The following ENTREP2 variants were observed in gnomAD, a reference collection of about 807,000 sequenced individuals.
ENTREP2 encodes the protein endosomal transmembrane epsin interactor 2, also known as protein ENTREP2.
At chr15:29,239,014 G>C in the ENTREP2 span, among the ~76,000 whole-genome samples, 2 of 152,064 alleles carry the variant, frequency 1.3e-5, no homozygotes, top group African/African-American at 4.8e-5. Flanking sequence ...TGTCAATAAA[G>C]AGATATAAAA....
At chr15:29,231,886 TTTTC>T in the ENTREP2 span, among the ~76,000 whole-genome samples, 8 of 113,970 alleles carry the variant, frequency 7.0e-5, no homozygotes, top group African/African-American at 2.4e-4. Flanking sequence ...TTTTCTTTTC[TTTTC>T]TTTCTTTTTT....
At chr15:29,210,735 G>C in the ENTREP2 span, among the ~76,000 whole-genome samples, 2 of 152,100 alleles carry the variant, frequency 1.3e-5, no homozygotes, top group Non-Finnish European at 2.9e-5. Flanking sequence ...TTCTCTGTGT[G>C]GTCTTGCCTG....
the ENTREP2 span, among the ~76,000 whole-genome samples, chr15:29,584,427 A>G: frequency 8.0e-6 from 1 of 125,482 alleles, no homozygotes; most frequent in Non-Finnish European, 1.7e-5. Context: ...AATTTTTTAA[A>G]TGTATGTGTG....
At chr15:29,242,577 T>G in the ENTREP2 span, among the ~76,000 whole-genome samples, 9 of 152,202 alleles carry the variant, frequency 5.9e-5, no homozygotes, top group Non-Finnish European at 1.3e-4. Context: ...AATGCCTTTT[T>G]AATTTCCTAA....
the ENTREP2 span, among the ~76,000 whole-genome samples, chr15:29,245,129 AG>A: frequency 6.6e-6 from 1 of 152,096 alleles, no homozygotes; most frequent in South Asian, 2.1e-4. Context: ...GTTCAATGCA[AG>A]TAATAAAAAA....
chr15:29,156,287 C>T, the ENTREP2 span, among the ~76,000 whole-genome samples: 2 of 151,944 alleles, frequency 1.3e-5, no homozygotes, highest in South Asian at 2.1e-4. Context: ...CAGGTTCAAG[C>T]GATTCTCCTG....
At chr15:29,457,347 A>G in the ENTREP2 span, among the ~76,000 whole-genome samples, 1 of 152,186 alleles carries the variant, frequency 6.6e-6, no homozygotes, top group Non-Finnish European at 1.5e-5. Context: ...TTGAGCCTCA[A>G]CGTTTAGAAA....
chr15:29,244,506 C>A, the ENTREP2 span, among the ~76,000 whole-genome samples: 2 of 152,224 alleles, frequency 1.3e-5, no homozygotes, highest in African/African-American at 4.8e-5. Context: ...AAAGTTCTGT[C>A]CTCTCAGGTC....
At chr15:29,650,703 G>A in the ENTREP2 span, among the ~76,000 whole-genome samples, 4 of 152,086 alleles carry the variant, frequency 2.6e-5, no homozygotes, top group East Asian at 5.8e-4. Context: ...GGTGATGTGC[G>A]CCTATGATCC....
At chr15:29,532,445 G>T in the ENTREP2 span, among the ~76,000 whole-genome samples, 2 of 152,082 alleles carry the variant, frequency 1.3e-5, no homozygotes, top group Non-Finnish European at 2.9e-5. Context: ...CATAAAACAT[G>T]ATCATACCTT....
chr15:29,571,650 C>G, the ENTREP2 span, among the ~76,000 whole-genome samples: 1 of 152,144 alleles, frequency 6.6e-6, no homozygotes, highest in Non-Finnish European at 1.5e-5. Flanking sequence ...AAAAAAATTG[C>G]ACAAAACGAA....
the ENTREP2 span, among the ~76,000 whole-genome samples, chr15:29,137,670 A>G: frequency 6.6e-6 from 1 of 152,140 alleles, no homozygotes. Context: ...CCCCGTCTCT[A>G]CTAAAAATAC....
At chr15:29,413,574 T>C in the ENTREP2 span, among the ~76,000 whole-genome samples, 2 of 152,180 alleles carry the variant, frequency 1.3e-5, no homozygotes, top group Non-Finnish European at 2.9e-5. Flanking sequence ...CCCAAACAAC[T>C]ACACAAAAAT....
At chr15:29,623,317 C>T in the ENTREP2 span, among the ~76,000 whole-genome samples, 1 of 152,100 alleles carries the variant, frequency 6.6e-6, no homozygotes, top group Non-Finnish European at 1.5e-5. Flanking sequence ...GGCCATGGTG[C>T]CCAAGCTACA....
the ENTREP2 span, among the ~76,000 whole-genome samples, chr15:29,287,411 A>G: frequency 7.1e-6 from 1 of 141,326 alleles, no homozygotes; most frequent in African/African-American, 2.7e-5. Flanking sequence ...AAAAAAAAAA[A>G]GAAAACCCAT....
At chr15:29,174,647 GC>G in the ENTREP2 span, among the ~76,000 whole-genome samples, 1 of 149,972 alleles carries the variant, frequency 6.7e-6, no homozygotes. Context: ...CTGAGATCGC[GC>G]CACTGCGCTC....
the ENTREP2 span, among the ~76,000 whole-genome samples, chr15:29,477,513 G>A: frequency 6.6e-6 from 1 of 152,170 alleles, no homozygotes; most frequent in Non-Finnish European, 1.5e-5. Context: ...TTGGAGAACT[G>A]TGGATACACG....
chr15:29,124,619 G>A, the ENTREP2 span: 5 of 1,339,000 alleles, frequency 3.7e-6, no homozygotes, highest in South Asian at 6.3e-5. Flanking sequence ...TGTAGCCAAG[G>A]ACCCACCAAC....
the ENTREP2 span, among the ~76,000 whole-genome samples, chr15:29,454,456 C>CA: frequency 6.6e-6 from 1 of 152,164 alleles, no homozygotes; most frequent in Non-Finnish European, 1.5e-5. Context: ...ACTTCCATTG[C>CA]AAGTAGAGTG....
Sources: allele counts gnomAD v4.1 joint callset (sites outside exome capture counted in the v4.1 genomes callset), GRCh38; gene constraint gnomAD v4.1.1; transcripts MANE v1.5; gene names NCBI Gene and HGNC (gene_info 2026-07-23, HGNC 2026-07-21).